The following ZFP30 variants were observed in gnomAD, a reference collection of about 807,000 sequenced individuals.
ZFP30 encodes the protein ZFP30 zinc finger protein, also known as zinc finger protein 30 homolog.
ZFP30 carries 16 observed loss-of-function variants against 12.3 expected under a neutral mutation model. The observed-to-expected ratio is 1.30, with a 90% CI of 0.88 to 1.98. The LOEUF (loss-of-function observed/expected upper bound fraction) is 1.98. Ranked by LOEUF, ZFP30 falls within the 30% of genes most tolerant of loss-of-function variation. The pLI is 0.00. For missense variants in ZFP30, 560 were observed against 611.2 expected (o/e 0.92, Z 0.88); for synonymous variants, 172 against 201.0 (o/e 0.86, Z 1.22).
intron 3 of ZFP30, among the ~76,000 whole-genome samples, chr19:37,645,408 T>C (rs1473704333): frequency 2.0e-5 from 3 of 151,950 alleles, no homozygotes; most frequent in African/African-American, 7.3e-5. Context: ...ACATTTTCTG[T>C]AAAGGGCCAA....
intron 5 of ZFP30, among the ~76,000 whole-genome samples, chr19:37,641,673 A>G (rs1285724032): frequency 1.3e-5 from 2 of 152,222 alleles, no homozygotes; most frequent in Non-Finnish European, 2.9e-5. Flanking sequence ...CATTATCCAA[A>G]CCCAAAAAAT....
Position 37,635,521 on chromosome 19 carries a change from T to G in ZFP30, c.1020A>C (p.Gln340His). The change falls in exon 6 of 6, where the codon CAA becomes CAC. Residue 340 changes from glutamine (Q) to histidine (H), a missense_variant. Transcript: ENST00000684514. ...TGTGAATTCTCTGATGGAGAGTAAG[T>G]TGCTGCCGCACTCTAAAGGCCTTTC... ...ECGKAFRVRQ[Q>H]LTLHQRIHTG... is the part of the protein sequence containing the mutation. 1 of 1,614,032 alleles carries G rather than the reference T, an allele frequency of 6.2e-7. No individual in the cohort carries two copies. Among genetic ancestry groups the G allele is most frequent in the Non-Finnish European group, 8.5e-7 (1 of 1,180,012 alleles).
At chr19:37,654,553 C>A (rs1042011065) in intron 2 of ZFP30, among the ~76,000 whole-genome samples, 159 bp downstream of exon 2, 4 of 151,920 alleles carry the variant, frequency 2.6e-5, no homozygotes, top group African/African-American at 9.7e-5. Flanking sequence ...GAAGTGGGCA[C>A]TAACAACGGG....
intron 2 of ZFP30, among the ~76,000 whole-genome samples, chr19:37,648,564 C>T (rs558831274): frequency 1.3e-5 from 2 of 152,182 alleles, no homozygotes; most frequent in African/African-American, 4.8e-5. Context: ...ATCAGAATCA[C>T]CCAGAGGGCT....
At chr19:37,641,830 C>T (rs754058133) in intron 5 of ZFP30, among the ~76,000 whole-genome samples, 1 of 152,134 alleles carries the variant, frequency 6.6e-6, no homozygotes, top group Non-Finnish European at 1.5e-5. Context: ...TATAGGTTTT[C>T]CTATCATTTA....
At chr19:37,639,553 A>G (rs896228335) in intron 5 of ZFP30, among the ~76,000 whole-genome samples, 5 of 152,130 alleles carry the variant, frequency 3.3e-5, no homozygotes, top group Admixed American at 6.6e-5. Flanking sequence ...GGAAGTCAAG[A>G]CCAGCCTGGC....
Position 37,636,235 on chromosome 19 carries a change from C to T in ZFP30, c.306G>A (p.Gln102=), listed in dbSNP as rs989772185. The change falls in exon 6 of 6, where the codon CAG becomes CAA. Residue 102 remains glutamine, a synonymous_variant. Transcript: ENST00000684514. The part of the protein sequence containing the change: ...GKDIYEMNLS[Q]WKVMERIKSC... The stretch of plus-strand genomic sequence containing the variant: ...TTTTAATTCTTTCCATTACCTTCCA[C>T]TGAGATAAGTTCATTTCATAAATAT... 1.9e-6 allele frequency: 3 copies of T among 1,613,472 alleles called. No individual in the cohort carries two copies. The highest frequency in any genetic ancestry group is 2.5e-6 in the Non-Finnish European group (3 of 1,179,866).
At chr19:37,649,895 T>A (rs938311859) in intron 2 of ZFP30, among the ~76,000 whole-genome samples, 1 of 152,106 alleles carries the variant, frequency 6.6e-6, no homozygotes, top group African/African-American at 2.4e-5. Context: ...AAATTCATAT[T>A]TGATGTCATG....
chr19:37,640,372 T>C (rs892090202), intron 5 of ZFP30, among the ~76,000 whole-genome samples: 1 of 150,394 alleles, frequency 6.6e-6, no homozygotes, highest in Non-Finnish European at 1.5e-5. Context: ...ATGTAAAATA[T>C]GTATATATTT....
rs571594207 is a variant in ZFP30, at chr19:37,631,568, T to C, written c.*3413A>G. 1 of 151,956 alleles carries C rather than the reference T, an allele frequency of 6.6e-6. No individual in the cohort carries two copies. The highest frequency in any genetic ancestry group is 1.5e-5 in the Non-Finnish European group (1 of 67,980). 9.4% of individuals were successfully genotyped at this position (151,956 alleles called of 1,614,324 possible). ...GGTGAAATCACCGAAGTCCAACTGATGCAATCATTTATAAGAACTCTGTCT... is the reference window on the plus strand; with the variant it reads ...GGTGAAATCACCGAAGTCCAACTGACGCAATCATTTATAAGAACTCTGTCT... On this transcript the variant is annotated 3_prime_UTR_variant, in exon 6 of 6. Coordinates refer to ENST00000684514, the MANE Select transcript of ZFP30 (RefSeq NM_001320669.3).
intron 2 of ZFP30, among the ~76,000 whole-genome samples, chr19:37,649,150 CAGG>C (rs2044599914): frequency 1.3e-5 from 2 of 151,058 alleles, no homozygotes; most frequent in Non-Finnish European, 1.5e-5. Context: ...GAGGCTGAGG[CAGG>C]AGAATTGCTT....
At position 37,634,493 on chromosome 19, in the gene ZFP30, AAT is replaced by A. The variant is rs1438467710; in HGVS notation, c.*486_*487del. ...TCCATTATTTCATTATGTGTTACAC[AAT>A]AGTTTTTCTAATATAATTTTCTATT... On this transcript the variant is annotated 3_prime_UTR_variant, in exon 6 of 6. Coordinates refer to ENST00000684514, the MANE Select transcript of ZFP30 (RefSeq NM_001320669.3). 27 of 153,092 alleles carry A rather than the reference AAT, an allele frequency of 1.8e-4. No homozygotes were observed. The highest frequency in any genetic ancestry group is 6.5e-4 in the African/African-American group (27 of 41,458). 9.5% of individuals were successfully genotyped at this position (153,092 alleles called of 1,614,324 possible).
chr19:37,651,680 G>A (rs2044654873), intron 2 of ZFP30: 2 of 151,948 alleles, frequency 1.3e-5, no homozygotes, highest in Non-Finnish European at 2.9e-5. Context: ...TATCCCACCT[G>A]GCAAAAGTCA....
chr19:37,633,150 GA>G lies in ZFP30; in HGVS notation c.*1830del, dbSNP rs1175406578. The G allele has an allele frequency of 7.5e-6, 1 of 133,192 alleles. No homozygotes were observed. Among genetic ancestry groups the G allele is most frequent in the African/African-American group, 2.7e-5 (1 of 36,584 alleles). The allele number at this position is 133,192 out of a possible 1,614,324, so 8.3% of individuals were successfully genotyped here. ...TGTGCCACTGCACGCCAGCCTGGGC[GA>G]AAGAGCGAGACTCCGTCTCAAAAAA... is the stretch of plus-strand genomic sequence containing the variant. On this transcript the variant is annotated 3_prime_UTR_variant, in exon 6 of 6. Coordinates refer to ENST00000684514, the MANE Select transcript of ZFP30 (RefSeq NM_001320669.3).
intron 2 of ZFP30, among the ~76,000 whole-genome samples, chr19:37,650,098 T>C (rs1301825879): frequency 1.3e-5 from 2 of 152,100 alleles, no homozygotes; most frequent in Admixed American, 6.6e-5. Flanking sequence ...AGGTGATCTT[T>C]ATTTGTTCTT....
Position 37,644,473 on chromosome 19 carries a change from G to A in ZFP30, c.136+137C>T, listed in dbSNP as rs895104959. 4 of 853,532 alleles carry A rather than the reference G, an allele frequency of 4.7e-6. No individual in the cohort carries two copies. The East Asian group carries it at 1.2e-4, about 25-fold the overall frequency. 52.9% of individuals were successfully genotyped at this position (853,532 alleles called of 1,614,324 possible). A position where few individuals can be genotyped will look rare whatever the true frequency, so the allele number is the denominator to read the frequency against. On this transcript the variant is annotated intron_variant, in intron 4 of 5. Coordinates refer to ENST00000684514, the MANE Select transcript of ZFP30 (RefSeq NM_001320669.3). ...CGCTTGAACCCAGGAGGTAGAGGTT[G>A]CAGTAAGCCAAGATTGCGCCACTGC...
rs2044276940 is a variant in ZFP30, at chr19:37,634,076, G to A, written c.*905C>T. 6.6e-6 allele frequency: 1 copy of A among 152,018 alleles called. No individual in the cohort carries two copies. The highest frequency in any genetic ancestry group is 2.1e-4 in the South Asian group (1 of 4,824). The allele number at this position is 152,018 out of a possible 1,614,324, so 9.4% of individuals were successfully genotyped here. On this transcript the variant is annotated 3_prime_UTR_variant, in exon 6 of 6. Coordinates refer to ENST00000684514, the MANE Select transcript of ZFP30 (RefSeq NM_001320669.3). ...TAAAAACCACTGTTTCATTGCATTT[G>A]ACTGATGTCTCAAGTCTGTCAATAC...
At chr19:37,654,109 A>C (rs1384979476) in intron 2 of ZFP30, among the ~76,000 whole-genome samples, 1 of 152,224 alleles carries the variant, frequency 6.6e-6, no homozygotes, top group Non-Finnish European at 1.5e-5. Flanking sequence ...TCAAAACAAC[A>C]CCGTAAAGTA....
At position 37,636,032 on chromosome 19, in the gene ZFP30, C is replaced by T. The variant is rs199876103; in HGVS notation, c.509G>A (p.Arg170Gln). 13 of 1,613,844 alleles carry T rather than the reference C, an allele frequency of 8.1e-6. No individual in the cohort carries two copies. In the East Asian group the frequency reaches 1.6e-4, roughly 19 times the overall value. The change falls in exon 6 of 6, where the codon CGA becomes CAA. Residue 170 changes from arginine to glutamine, a missense_variant. Coordinates refer to ENST00000684514, the MANE Select transcript of ZFP30 (RefSeq NM_001320669.3). Reference protein sequence around the residue: ...CGECGKAFRVRQQLTFHQRIH... With the variant: ...CGECGKAFRVQQQLTFHQRIH... ...TCTTTGATGGAAAGTAAGTTGTTGT[C>T]GTACTCTAAAAGCCTTCCCACATTC...
Sources: allele counts gnomAD v4.1 joint callset (sites outside exome capture counted in the v4.1 genomes callset), GRCh38; gene constraint gnomAD v4.1.1; transcripts MANE v1.5; gene names NCBI Gene and HGNC (gene_info 2026-07-23, HGNC 2026-07-21).